Variants in CA10 observed in about 807,000 individuals in gnomAD.
CA10 encodes the protein carbonic anhydrase-related protein 10.
Under a neutral mutation model 44.2 loss-of-function variants are expected in CA10, and 14 were observed. The observed-to-expected ratio is 0.32, with a 90% CI of 0.21 to 0.50. The LOEUF is 0.50. CA10 is among the 20% of genes least tolerant of loss of function. The pLI is 0.99. For missense variants in CA10, 350 were observed against 409.7 expected, an observed-to-expected ratio of 0.85 and a Z score of 1.26; for synonymous variants, 159 against 141.6, an observed-to-expected ratio of 1.12 and a Z score of -0.87.
At position 51,656,554 on chromosome 17, in the gene CA10, C is replaced by T. The variant is rs116635010; in HGVS notation, c.466-2818G>A. Among the ~76,000 whole-genome samples the T allele has an allele frequency of 5.6e-3, 854 of 152,240 alleles. 7 individuals carry two copies. Among genetic ancestry groups the T allele is most frequent in the African/African-American group, 0.02 (815 of 41,534 alleles). On this transcript the variant is annotated intron_variant, in intron 4 of 8. Coordinates refer to ENST00000451037, the MANE Select transcript of CA10 (RefSeq NM_020178.5). ...TGAACCACATGAAATTGATCTTTTG[C>T]TTTACAAAACTGGTGAATTTATAGT...
intron 2 of CA10, among the ~76,000 whole-genome samples, chr17:52,017,368 G>A: frequency 6.6e-6 from 1 of 152,148 alleles, no homozygotes; most frequent in East Asian, 1.9e-4. Context: ...AACATTGGCA[G>A]TGAAGGCCAG....
intron 2 of CA10, among the ~76,000 whole-genome samples, chr17:52,051,462 C>T (rs990337789): frequency 4.7e-5 from 7 of 150,116 alleles, no homozygotes; most frequent in African/African-American, 1.7e-4. Flanking sequence ...AAAAAAAAAA[C>T]TCCATGAAGA....
chr17:52,032,022 A>G (rs1942013355), intron 2 of CA10, among the ~76,000 whole-genome samples: 2 of 152,178 alleles, frequency 1.3e-5, no homozygotes, highest in African/African-American at 4.8e-5. Flanking sequence ...CACACAAATA[A>G]AAATCGAGTA....
At chr17:51,820,163 C>A (rs964336949) in intron 3 of CA10, among the ~76,000 whole-genome samples, 2 of 150,472 alleles carry the variant, frequency 1.3e-5, no homozygotes, top group Non-Finnish European at 3.0e-5. Flanking sequence ...AAGTCTGACT[C>A]CAGAACATGA....
chr17:51,850,039 G>T (rs909015198), intron 3 of CA10, among the ~76,000 whole-genome samples: 1 of 152,188 alleles, frequency 6.6e-6, no homozygotes, highest in Non-Finnish European at 1.5e-5. Context: ...TGTAAGCAGG[G>T]AAGTCCTGAA....
intron 4 of CA10, among the ~76,000 whole-genome samples, chr17:51,673,694 G>C (rs1914510093): frequency 1.3e-5 from 2 of 152,130 alleles, no homozygotes; most frequent in African/African-American, 4.8e-5. Flanking sequence ...CCAACCTTAT[G>C]TCTCTCGAAG....
At chr17:51,738,665 T>C (rs1904330231) in intron 4 of CA10, among the ~76,000 whole-genome samples, 1 of 152,166 alleles carries the variant, frequency 6.6e-6, no homozygotes, top group Admixed American at 6.5e-5. Flanking sequence ...TGGCTTATGT[T>C]TTGTGAAATA....
intron 3 of CA10, among the ~76,000 whole-genome samples, chr17:51,853,839 CGAA>C (rs1366677956): frequency 3.9e-5 from 6 of 152,140 alleles, no homozygotes; most frequent in East Asian, 1.9e-4. Flanking sequence ...TGCTGCCTTG[CGAA>C]GAAGGTGTCT....
chr17:51,923,867 G>T (rs1303728229), intron 3 of CA10, among the ~76,000 whole-genome samples: 3 of 152,068 alleles, frequency 2.0e-5, no homozygotes, highest in Admixed American at 2.0e-4. Context: ...CCACCTAAAC[G>T]CATTTCTTGG....
intron 2 of CA10, among the ~76,000 whole-genome samples, chr17:52,019,527 T>A (rs913857607): frequency 1.6e-4 from 25 of 152,094 alleles, no homozygotes; most frequent in Admixed American, 2.0e-4. Context: ...GAGATTTTCT[T>A]ACATGAAACA....
rs140511702 is a variant in CA10, at chr17:51,908,995, C to T, written c.279+21995G>A. Among the ~76,000 whole-genome samples, 11 of 152,214 alleles carry T rather than the reference C, an allele frequency of 7.2e-5. No individual in the cohort carries two copies. In the East Asian group the frequency reaches 7.7e-4, roughly 11 times the overall value. ...TTGGCTTTCATAACTGATTTTTTGA[C>T]GTCATCTGGTTTTCTGCAAAAGCCA... On this transcript the variant is annotated intron_variant, in intron 3 of 8. Transcript: ENST00000451037.
Position 52,036,648 on chromosome 17 carries a change from C to T in CA10, c.136+35671G>A, listed in dbSNP as rs545485049. 1.5e-4 allele frequency among the ~76,000 whole-genome samples: 23 copies of T among 152,246 alleles called. No homozygotes were observed. The East Asian group carries it at 3.1e-3, about 21-fold the overall frequency. On this transcript the variant is annotated intron_variant, in intron 2 of 8. Coordinates refer to ENST00000451037, the MANE Select transcript of CA10 (RefSeq NM_020178.5). ...CTTCACAGTAGGAATTCTGGCTCTG[C>T]TACTTACTAGCCTGGGTCAGTTATT...
intron 2 of CA10, among the ~76,000 whole-genome samples, chr17:52,042,690 G>A (rs1296908200): frequency 1.3e-5 from 2 of 151,850 alleles, no homozygotes; most frequent in Non-Finnish European, 2.9e-5. Context: ...ATATCAAGGA[G>A]CTTTCCCCCT....
chr17:52,020,387 A>G (rs904114047), intron 2 of CA10, among the ~76,000 whole-genome samples: 15 of 151,930 alleles, frequency 9.9e-5, no homozygotes, highest in Non-Finnish European at 2.1e-4. Context: ...TTTTAATATC[A>G]CTTTATAGGG....
intron 3 of CA10, among the ~76,000 whole-genome samples, chr17:51,831,681 G>GCAGCAGCAGCAGCAGCAT (rs1555604041): frequency 6.4e-4 from 45 of 70,340 alleles, no homozygotes; most frequent in African/African-American, 1.1e-3. Context: ...AGCAGCAGCA[G>GCAGCAGCAGCAGCAGCAT]CAGCAGCAGC....
chr17:51,949,309 A>G (rs1051348436), intron 2 of CA10, among the ~76,000 whole-genome samples: 5 of 152,210 alleles, frequency 3.3e-5, no homozygotes, highest in African/African-American at 9.6e-5. Context: ...AAATATAACT[A>G]AAACCAACTC....
chr17:51,659,621 A>T (rs1350155597), intron 4 of CA10, among the ~76,000 whole-genome samples: 3 of 152,208 alleles, frequency 2.0e-5, no homozygotes, highest in Non-Finnish European at 1.5e-5. Context: ...ATCATTGTTA[A>T]AGTTAGTCAT....
chr17:51,739,795 C>T (rs1018284081), intron 4 of CA10, among the ~76,000 whole-genome samples: 6 of 152,190 alleles, frequency 3.9e-5, no homozygotes, highest in Admixed American at 3.9e-4. Context: ...ATCTGAGCTT[C>T]TGCCTCTGCT....
intron 3 of CA10, among the ~76,000 whole-genome samples, chr17:51,906,493 G>C (rs970643706): frequency 3.3e-5 from 5 of 151,996 alleles, no homozygotes; most frequent in Non-Finnish European, 7.4e-5. Flanking sequence ...TAAACGTCAG[G>C]ATACCATAGC....
Sources: allele counts gnomAD v4.1 joint callset (sites outside exome capture counted in the v4.1 genomes callset), GRCh38; gene constraint gnomAD v4.1.1; transcripts MANE v1.5; gene names NCBI Gene and HGNC (gene_info 2026-07-23, HGNC 2026-07-21).